The following PTPRD variants were observed in gnomAD, a reference collection of about 807,000 sequenced individuals.
The protein encoded by PTPRD is protein tyrosine phosphatase receptor type D, also known as receptor-type tyrosine-protein phosphatase delta.
A neutral mutation model predicts 214.5 loss-of-function variants in PTPRD; 34 were observed. The observed-to-expected ratio is 0.16, with a 90% CI of 0.12 to 0.21. The LOEUF (loss-of-function observed/expected upper bound fraction) is 0.21, where lower values mean the gene tolerates loss of function less well. PTPRD is among the 10% of genes least tolerant of loss of function. The pLI, the probability that PTPRD is intolerant of heterozygous loss-of-function variation, is 1.00. For missense variants in PTPRD, 2,545 were observed against 2,398.7 expected, an observed-to-expected ratio of 1.06 and a Z score of -1.27; for synonymous variants, 1,128 against 845.7, an observed-to-expected ratio of 1.33 and a Z score of -5.79.
chr9:8,832,509 C>T (rs1308374335), intron 11 of PTPRD, among the ~76,000 whole-genome samples: 1 of 145,544 alleles, frequency 6.9e-6, no homozygotes, highest in Non-Finnish European at 1.5e-5. Flanking sequence ...TCAATTATGG[C>T]AATTACCAAA....
chr9:10,140,938 G>T (rs943985576), intron 3 of PTPRD, among the ~76,000 whole-genome samples: 9 of 152,036 alleles, frequency 5.9e-5, no homozygotes, highest in Middle Eastern at 3.4e-3. Flanking sequence ...TGCAAGGCTG[G>T]TTCATTATAC....
intron 5 of PTPRD, among the ~76,000 whole-genome samples, chr9:9,812,905 G>A (rs1225723315): frequency 6.6e-6 from 1 of 152,046 alleles, no homozygotes; most frequent in African/African-American, 2.4e-5. Flanking sequence ...AATTTAAGAG[G>A]ACTGAAATTA....
intron 14 of PTPRD, among the ~76,000 whole-genome samples, chr9:8,630,064 G>C (rs1051150943): frequency 6.6e-6 from 1 of 151,762 alleles, no homozygotes; most frequent in Non-Finnish European, 1.5e-5. Context: ...AGTTTCTCTA[G>C]TAGCTTGTGT....
chr9:9,124,188 A>C (rs2099820271), intron 10 of PTPRD, among the ~76,000 whole-genome samples: 1 of 152,220 alleles, frequency 6.6e-6, no homozygotes, highest in Non-Finnish European at 1.5e-5. Flanking sequence ...GTATTATGCC[A>C]TAGATGCCTT....
intron 14 of PTPRD, among the ~76,000 whole-genome samples, chr9:8,622,021 G>C (rs1329359287): frequency 6.6e-6 from 1 of 151,808 alleles, no homozygotes; most frequent in Non-Finnish European, 1.5e-5. Flanking sequence ...CTCTGAGGGA[G>C]AAGATGTTTT....
chr9:9,534,760 T>C (rs1339795275), intron 8 of PTPRD, among the ~76,000 whole-genome samples: 1 of 151,654 alleles, frequency 6.6e-6, no homozygotes, highest in African/African-American at 2.4e-5. Flanking sequence ...TACATAGTCA[T>C]GCAGGACCAC....
intron 9 of PTPRD, among the ~76,000 whole-genome samples, chr9:9,205,788 A>C (rs2099944495): frequency 6.6e-6 from 1 of 152,180 alleles, no homozygotes; most frequent in African/African-American, 2.4e-5. Context: ...ACTTTATTCC[A>C]GGTACTGCCC....
chr9:8,731,123 A>G (rs1348112856), intron 12 of PTPRD, among the ~76,000 whole-genome samples: 1 of 152,212 alleles, frequency 6.6e-6, no homozygotes, highest in Non-Finnish European at 1.5e-5. Context: ...TTAATGCAAC[A>G]TCACACCCAG....
chr9:9,620,465 T>C (rs747740679), intron 7 of PTPRD, among the ~76,000 whole-genome samples: 3 of 152,204 alleles, frequency 2.0e-5, no homozygotes, highest in African/African-American at 7.2e-5. Context: ...TCATCTGAAC[T>C]GATTCCTTCC....
chr9:8,638,379 G>C (rs913002836), intron 12 of PTPRD, among the ~76,000 whole-genome samples: 3 of 151,944 alleles, frequency 2.0e-5, no homozygotes, highest in African/African-American at 7.3e-5. Context: ...TTTTCTTGGA[G>C]TCAAGGAAGC....
At chr9:8,688,482 A>C (rs529927499) in intron 12 of PTPRD, among the ~76,000 whole-genome samples, 2 of 151,544 alleles carry the variant, frequency 1.3e-5, no homozygotes, top group Non-Finnish European at 2.9e-5. Context: ...GGAGAATGGC[A>C]TGAACCCAGG....
At chr9:10,002,891 C>T (rs577788404) in intron 4 of PTPRD, among the ~76,000 whole-genome samples, 1 of 151,714 alleles carries the variant, frequency 6.6e-6, no homozygotes, top group Non-Finnish European at 1.5e-5. Flanking sequence ...CTCAAGTGCA[C>T]ATGGAACATT....
At chr9:9,156,933 C>A (rs2099881701) in intron 10 of PTPRD, among the ~76,000 whole-genome samples, 2 of 152,178 alleles carry the variant, frequency 1.3e-5, no homozygotes. Flanking sequence ...CCTGCCTAGG[C>A]AGTTGCTTCT....
rs541481366 is a variant in PTPRD at position 9,126,933 on chromosome 9, G to A, written c.-143+56371C>T. Among the ~76,000 whole-genome samples, 53 of 152,002 alleles carry A rather than the reference G, an allele frequency of 3.5e-4. No homozygotes were observed. The South Asian group carries it at 0.01, about 30-fold the overall frequency. On this transcript the variant is annotated intron_variant, in intron 10 of 45. Coordinates refer to ENST00000381196, the MANE Select transcript of PTPRD (RefSeq NM_002839.4). ...CTGGAGCCCATCCTAGCATCTAAGAGCACAAGGAACAAACCCAGAACAGGA... is the reference window on the plus strand; with the variant it reads ...CTGGAGCCCATCCTAGCATCTAAGAACACAAGGAACAAACCCAGAACAGGA...
intron 11 of PTPRD, among the ~76,000 whole-genome samples, chr9:8,835,323 G>A (rs1233644458): frequency 6.6e-6 from 1 of 152,202 alleles, no homozygotes; most frequent in Non-Finnish European, 1.5e-5. Flanking sequence ...AAACACAGCT[G>A]AGGAGAAAAT....
intron 11 of PTPRD, among the ~76,000 whole-genome samples, chr9:8,771,709 G>C (rs996249194): frequency 6.6e-6 from 1 of 151,808 alleles, no homozygotes; most frequent in African/African-American, 2.4e-5. Flanking sequence ...AATTATAAGA[G>C]AACACTGTTT....
intron 11 of PTPRD, among the ~76,000 whole-genome samples, chr9:8,868,401 A>G (rs80229209): frequency 0.047 from 7,164 of 152,130 alleles, 237 homozygotes; most frequent in Non-Finnish European, 0.067. Context: ...AGGGGGTGTC[A>G]CTATGTTGGC....
intron 6 of PTPRD, among the ~76,000 whole-genome samples, chr9:9,738,419 T>G (rs1297863478): frequency 2.0e-5 from 3 of 151,028 alleles, no homozygotes; most frequent in Non-Finnish European, 4.4e-5. Flanking sequence ...AAATATGTAT[T>G]AAAATTCTTC....
At chr9:8,526,580 A>G (rs2074223714) in intron 17 of PTPRD, 47 bp downstream of exon 17, 3 of 1,507,458 alleles carry the variant, frequency 2.0e-6, no homozygotes, top group East Asian at 2.3e-5. Context: ...GAAAGGACAG[A>G]AAGAATGAGT....
Sources: gnomAD v4.1 joint callset for allele counts (sites outside exome capture counted in the v4.1 genomes callset) on GRCh38, gnomAD v4.1.1 for gene constraint, MANE v1.5 for transcripts, NCBI Gene and HGNC (gene_info 2026-07-23, HGNC 2026-07-21) for gene names.